RBFOX1: variants seen among roughly 807,000 people sequenced by gnomAD.
RBFOX1 encodes RNA binding fox-1 homolog 1, also known as RNA binding protein fox-1 homolog 1.
RBFOX1 carries 8 observed loss-of-function variants against 57.7 expected under a neutral mutation model. That is an observed-to-expected ratio of 0.14 (90% CI 0.08 to 0.25). The LOEUF (loss-of-function observed/expected upper bound fraction) is 0.25, where lower values mean the gene tolerates loss of function less well. Among genes scored for constraint, RBFOX1 ranks in the 10% least tolerant of loss-of-function variants. The pLI, the probability that RBFOX1 is intolerant of heterozygous loss-of-function variation, is 1.00. For synonymous variants in RBFOX1, 326 were observed against 222.4 expected (o/e 1.47, Z -4.15); for missense variants, 611 against 548.5 (o/e 1.11, Z -1.14).
At chr16:6,443,927 A>G (rs1227720299) in intron 2 of RBFOX1, among the ~76,000 whole-genome samples, 2 of 152,136 alleles carry the variant, frequency 1.3e-5, no homozygotes, top group Non-Finnish European at 2.9e-5. Flanking sequence ...TATGTTCTAC[A>G]GTAGAGCCAA....
At chr16:6,411,288 T>TA in intron 2 of RBFOX1, among the ~76,000 whole-genome samples, 1 of 152,358 alleles carries the variant, frequency 6.6e-6, no homozygotes. Context: ...GGACCCTTTT[T>TA]ATCTAGATAA....
At chr16:5,462,713 A>G (rs960017395) in intron 1 of RBFOX1, among the ~76,000 whole-genome samples, 4 of 152,150 alleles carry the variant, frequency 2.6e-5, no homozygotes, top group Non-Finnish European at 5.9e-5. Context: ...GAAAGAAGGA[A>G]TTGGTGTCTC....
At chr16:6,536,649 A>G (rs1184190323) in intron 2 of RBFOX1, among the ~76,000 whole-genome samples, 3 of 152,092 alleles carry the variant, frequency 2.0e-5, no homozygotes, top group Non-Finnish European at 4.4e-5. Flanking sequence ...TTCAGCTAGT[A>G]TGGCTTGTGA....
intron 3 of RBFOX1, among the ~76,000 whole-genome samples, chr16:6,890,540 A>C (rs1022804758): frequency 2.0e-5 from 3 of 152,048 alleles, no homozygotes; most frequent in African/African-American, 7.2e-5. Flanking sequence ...ACAAAACCAA[A>C]CCCAAAGAAT....
chr16:5,795,011 A>G (rs2054829112), intron 3 of RBFOX1, among the ~76,000 whole-genome samples: 1 of 152,150 alleles, frequency 6.6e-6, no homozygotes, highest in African/African-American at 2.4e-5. Context: ...CCTTGGCTCA[A>G]AATCTAACTT....
intron 3 of RBFOX1, among the ~76,000 whole-genome samples, chr16:5,722,963 G>A (rs2051992156): frequency 6.6e-6 from 1 of 152,180 alleles, no homozygotes; most frequent in South Asian, 2.1e-4. Context: ...CATAAGGGCA[G>A]AGGCCCTATT....
chr16:6,711,913 T>C (rs1458833857), intron 3 of RBFOX1, among the ~76,000 whole-genome samples: 3 of 152,216 alleles, frequency 2.0e-5, no homozygotes, highest in East Asian at 3.9e-4. Context: ...GTATTTTATA[T>C]TGAAAATTGC....
At chr16:7,197,917 G>C (rs7203287) in intron 4 of RBFOX1, among the ~76,000 whole-genome samples, 30,686 of 151,590 alleles carry the variant, frequency 0.2, 3,279 homozygotes, top group African/African-American at 0.28. Flanking sequence ...CAGGAATTGG[G>C]AGTGTAACTG....
intron 1 of RBFOX1, among the ~76,000 whole-genome samples, chr16:5,377,827 A>T (rs971569125): frequency 1.3e-5 from 2 of 151,606 alleles, no homozygotes; most frequent in South Asian, 4.1e-4. Context: ...CTTCTGAAAC[A>T]TTGTGAGAAC....
chr16:6,267,744 T>C (rs1426215767), intron 1 of RBFOX1, among the ~76,000 whole-genome samples: 3 of 152,130 alleles, frequency 2.0e-5, no homozygotes, highest in Non-Finnish European at 2.9e-5. Context: ...TGAATTCGGG[T>C]ACAAGTCGCT....
intron 1 of RBFOX1, among the ~76,000 whole-genome samples, chr16:6,137,301 C>T (rs60765760): frequency 8.9e-4 from 135 of 152,188 alleles, no homozygotes; most frequent in African/African-American, 3.2e-3. Context: ...TCTTTCACAG[C>T]ATTTTTGTTT....
chr16:5,240,916 G>C lies in RBFOX1; in HGVS notation c.219+811G>C, dbSNP rs947927446. The stretch of plus-strand genomic sequence containing the variant: ...AGGCACGCGGGTTTGGAGGGCAGAT[G>C]AGGGCCCCCTGGAGAGCTGTACCCC... On this transcript the variant is annotated intron_variant, in intron 1 of 2. Transcript: ENST00000585867. Among the ~76,000 whole-genome samples the C allele has an allele frequency of 3.8e-4, 58 of 152,212 alleles. 1 individual carries two copies. Among genetic ancestry groups the C allele is most frequent in the Admixed American group, 1.3e-4 (2 of 15,290 alleles).
chr16:5,372,065 T>A (rs922432465), intron 1 of RBFOX1, among the ~76,000 whole-genome samples: 1 of 152,234 alleles, frequency 6.6e-6, no homozygotes, highest in Non-Finnish European at 1.5e-5. Context: ...GAGATGTCCA[T>A]GCCGGCTTCA....
intron 2 of RBFOX1, among the ~76,000 whole-genome samples, chr16:6,564,125 G>A (rs373876258): frequency 6.6e-6 from 1 of 151,854 alleles, no homozygotes; most frequent in Non-Finnish European, 1.5e-5. Flanking sequence ...GATTGTTCTA[G>A]GCTCTTTAAT....
At chr16:7,653,775 C>G in intron 11 of RBFOX1, 40 bp from the exon 12 acceptor site, 1 of 1,582,500 alleles carries the variant, frequency 6.3e-7, no homozygotes, top group Non-Finnish European at 8.6e-7. Context: ...GTGCATCTGA[C>G]AGCCTGTGCT....
chr16:6,117,621 C>G (rs1033612523), intron 1 of RBFOX1, among the ~76,000 whole-genome samples: 2 of 152,264 alleles, frequency 1.3e-5, no homozygotes, highest in Non-Finnish European at 2.9e-5. Context: ...TTCCTCTCCT[C>G]TGGAGGATGT....
At chr16:6,534,213 C>G (rs1237667243) in intron 2 of RBFOX1, among the ~76,000 whole-genome samples, 3 of 151,962 alleles carry the variant, frequency 2.0e-5, no homozygotes, top group African/African-American at 4.8e-5. Context: ...AAATGCTATC[C>G]AGCAATAAAA....
rs145507152 is a variant in RBFOX1, at chr16:7,407,281, C to G, written c.28-110866C>G. On this transcript the variant is annotated intron_variant, in intron 4 of 15. Transcript: ENST00000550418. ...GTTTGGGAGAAGGATGTTACTCTGG[C>G]TACCACAGGTAGTTTAGAGCTGCCA... Among the ~76,000 whole-genome samples, 628 of 152,144 alleles carry G rather than the reference C, an allele frequency of 4.1e-3. 3 individuals carry two copies. The highest frequency in any genetic ancestry group is 0.014 in the African/African-American group (571 of 41,476).
chr16:7,128,148 C>T (rs1032202633), intron 4 of RBFOX1, among the ~76,000 whole-genome samples: 1 of 152,170 alleles, frequency 6.6e-6, no homozygotes, highest in Non-Finnish European at 1.5e-5. Context: ...CAAATGTCTC[C>T]TTCCTAACCA....
Sources: gnomAD v4.1 joint callset for allele counts (sites outside exome capture counted in the v4.1 genomes callset) on GRCh38, gnomAD v4.1.1 for gene constraint, MANE v1.5 for transcripts, NCBI Gene and HGNC (gene_info 2026-07-23, HGNC 2026-07-21) for gene names.